CHST11: variants seen among roughly 807,000 people sequenced by gnomAD.
The protein encoded by CHST11 is C4S-1.
CHST11 carries 9 observed loss-of-function variants against 30.4 expected under a neutral mutation model. The ratio of observed to expected loss-of-function variants is 0.30; its 90% CI spans 0.18 to 0.52. CHST11 has a LOEUF of 0.52. Among genes scored for constraint, CHST11 ranks in the 20% least tolerant of loss-of-function variants. CHST11 has a pLI of 0.97. For synonymous variants in CHST11, 152 were observed against 187.8 expected, an observed-to-expected ratio of 0.81 and a Z score of 1.56; for missense variants, 348 against 460.6, an observed-to-expected ratio of 0.76 and a Z score of 2.24.
rs988121016 is a variant in CHST11 at position 104,729,144 on chromosome 12, A to G, written c.205-27805A>G. ...GATAACAGCAAGCAGGAAACAAAAG[A>G]GACAGAAAAAACACAGAGGCCAAGA... is the stretch of plus-strand genomic sequence containing the variant. On this transcript the variant is annotated intron_variant, in intron 2 of 2. Transcript: ENST00000303694. The surrounding 1 kb of genome is among the most constrained non-coding windows in gnomAD (Gnocchi z 4.0). Among the ~76,000 whole-genome samples the G allele has an allele frequency of 1.3e-5, 2 of 152,164 alleles. No homozygotes were observed. The highest frequency in any genetic ancestry group is 4.8e-5 in the African/African-American group (2 of 41,436).
chr12:104,568,696 A>G (rs1480113487), intron 1 of CHST11, among the ~76,000 whole-genome samples: 1 of 152,154 alleles, frequency 6.6e-6, no homozygotes, highest in Non-Finnish European at 1.5e-5. Context: ...AGGCAGTATT[A>G]TCTCCATTTT....
chr12:104,646,643 G>A (rs1314373277), intron 2 of CHST11, among the ~76,000 whole-genome samples: 6 of 151,926 alleles, frequency 3.9e-5, no homozygotes, highest in Non-Finnish European at 8.8e-5. Flanking sequence ...AGGTTGCAGT[G>A]AGCCGAGATT....
chr12:104,575,671 T>C (rs1456107232), intron 1 of CHST11, among the ~76,000 whole-genome samples: 1 of 152,000 alleles, frequency 6.6e-6, no homozygotes, highest in Non-Finnish European at 1.5e-5. Context: ...GAGTGCAGGT[T>C]GCAGCCTGGC....
At chr12:104,517,289 C>T (rs530711041) in intron 1 of CHST11, among the ~76,000 whole-genome samples, 83 of 152,310 alleles carry the variant, frequency 5.4e-4, no homozygotes, top group African/African-American at 1.7e-3. Context: ...ATTGCACCCG[C>T]GCTTGGATGG....
In CHST11 at chr12:104,759,243, G is replaced by A. The variant is rs1179381089; in HGVS notation, c.*1440G>A. ...CTATCAGCATCTTGGTAACTGCCAT[G>A]CATGAGCAGCAAGGACAGCCTTCCA... On this transcript the variant is annotated 3_prime_UTR_variant, in exon 3 of 3. Transcript: ENST00000303694. 6.6e-6 allele frequency: 1 copy of A among 152,190 alleles called. No individual in the cohort carries two copies. Among genetic ancestry groups the A allele is most frequent in the African/African-American group, 2.4e-5 (1 of 41,448 alleles). 9.4% of individuals were successfully genotyped at this position (152,190 alleles called of 1,614,324 possible). A position where few individuals can be genotyped will look rare whatever the true frequency, so the allele number is the denominator to read the frequency against.
At chr12:104,478,056 A>G (rs2135958677) in intron 1 of CHST11, among the ~76,000 whole-genome samples, 1 of 152,238 alleles carries the variant, frequency 6.6e-6, no homozygotes, top group African/African-American at 2.4e-5. Context: ...TGGGGCTCTC[A>G]AGTTTGGGAA....
At chr12:104,735,045 A>G (rs1396986213) in intron 2 of CHST11, among the ~76,000 whole-genome samples, 1 of 152,218 alleles carries the variant, frequency 6.6e-6, no homozygotes, top group Non-Finnish European at 1.5e-5. Flanking sequence ...CATGGTGCTC[A>G]ACACAGGGGA....
intron 2 of CHST11, among the ~76,000 whole-genome samples, chr12:104,694,326 G>A (rs1248746680): frequency 1.3e-5 from 2 of 152,156 alleles, no homozygotes; most frequent in Non-Finnish European, 2.9e-5. Flanking sequence ...TGGAATGTGG[G>A]TAATAGCACT....
At chr12:104,612,320 G>A (rs556942281) in intron 2 of CHST11, among the ~76,000 whole-genome samples, 1 of 152,202 alleles carries the variant, frequency 6.6e-6, no homozygotes, top group Non-Finnish European at 1.5e-5. Flanking sequence ...CCTGTTCCAG[G>A]CCTGTCTGTT....
At chr12:104,461,909 A>G (rs1477154783) in intron 1 of CHST11, among the ~76,000 whole-genome samples, 1 of 152,068 alleles carries the variant, frequency 6.6e-6, no homozygotes, top group African/African-American at 2.4e-5. Context: ...CACACCTGTA[A>G]TCCCAGCACT....
chr12:104,606,858 A>G (rs1191406866), intron 2 of CHST11, among the ~76,000 whole-genome samples: 1 of 152,172 alleles, frequency 6.6e-6, no homozygotes, highest in Non-Finnish European at 1.5e-5. Context: ...ACCTGAGATC[A>G]GGAGTTCTAA....
intron 1 of CHST11, among the ~76,000 whole-genome samples, chr12:104,528,433 C>A (rs533172608): frequency 6.6e-6 from 1 of 152,142 alleles, no homozygotes; most frequent in Non-Finnish European, 1.5e-5. Flanking sequence ...ATGAAACTGG[C>A]GAGCAAATGA....
intron 1 of CHST11, among the ~76,000 whole-genome samples, chr12:104,485,460 C>G (rs1048427653): frequency 2.6e-5 from 4 of 152,208 alleles, no homozygotes; most frequent in African/African-American, 9.6e-5. Flanking sequence ...CTCGGAGGAG[C>G]TGCAGATCCT....
intron 1 of CHST11, among the ~76,000 whole-genome samples, chr12:104,544,138 A>AAAAAG (rs1555231335): frequency 9.8e-5 from 7 of 71,724 alleles, no homozygotes; most frequent in African/African-American, 2.9e-4. Context: ...AAAAAAAAAA[A>AAAAAG]AAAGAAAGAA....
intron 2 of CHST11, among the ~76,000 whole-genome samples, chr12:104,724,119 G>T (rs2040199357): frequency 6.6e-6 from 1 of 152,222 alleles, no homozygotes; most frequent in Non-Finnish European, 1.5e-5. Context: ...GAGCAGTAGT[G>T]TGGTGAATAG....
chr12:104,660,067 A>G (rs1017234018), intron 2 of CHST11, among the ~76,000 whole-genome samples: 3 of 152,324 alleles, frequency 2.0e-5, no homozygotes, highest in Admixed American at 6.5e-5. Context: ...AGCTCACATT[A>G]TACTTCTATT....
intron 1 of CHST11, among the ~76,000 whole-genome samples, chr12:104,580,560 T>TA (rs2038733071): frequency 6.6e-6 from 1 of 152,236 alleles, no homozygotes; most frequent in Non-Finnish European, 1.5e-5. Context: ...GAAAAATATG[T>TA]AACTTAACTT....
Position 104,601,979 on chromosome 12 carries a change from C to T in CHST11, c.192C>T (p.Tyr64=). ...CCCGAAGCCCCCTGCAGGAACTCTA[C>T]AACCCAATCCAGGTAAGCTTCAAGC... The part of the protein sequence containing the change: ...KGSRSPLQEL[Y]NPIQLELSNT... Residue 64 remains tyrosine (Y), a synonymous_variant, in exon 2 of 3, where the codon TAC becomes TAT. Transcript: ENST00000303694. The T allele has an allele frequency of 6.2e-7, 1 of 1,613,518 alleles. No individual in the cohort carries two copies. The highest frequency in any genetic ancestry group is 8.5e-7 in the Non-Finnish European group (1 of 1,179,598).
intron 1 of CHST11, among the ~76,000 whole-genome samples, chr12:104,550,111 T>C (rs1795872): frequency 0.63 from 96,324 of 151,984 alleles, 31,310 homozygotes; most frequent in East Asian, 0.98. Flanking sequence ...CCCTTGTGGC[T>C]GTGCCGAGTT....
Sources: gnomAD v4.1 joint callset for allele counts (sites outside exome capture counted in the v4.1 genomes callset) on GRCh38, gnomAD v4.1.1 for gene constraint, Gnocchi (gnomAD v3.1) non-coding constraint, MANE v1.5 for transcripts, NCBI Gene and HGNC (gene_info 2026-07-23, HGNC 2026-07-21) for gene names.